The following ABCC8 variants were observed in gnomAD, a reference collection of about 807,000 sequenced individuals.
ABCC8 encodes ATP-binding cassette sub-family C member 8.
In ABCC8, 137 loss-of-function variants were observed where a neutral mutation model predicts 188.0. The ratio of observed to expected loss-of-function variants is 0.73; its 90% CI spans 0.63 to 0.84. The LOEUF (loss-of-function observed/expected upper bound fraction) is 0.84. Ranked by LOEUF, ABCC8 falls within the 40% of genes least tolerant of loss-of-function variation. The pLI is 0.00. For synonymous variants in ABCC8, 797 were observed against 846.5 expected, an observed-to-expected ratio of 0.94 and a Z score of 1.01; for missense variants, 1,750 against 2,072.7, an observed-to-expected ratio of 0.84 and a Z score of 3.02.
intron 7 of ABCC8, among the ~76,000 whole-genome samples, chr11:17,450,259 TC>T (rs923681350): frequency 1.0e-4 from 5 of 48,034 alleles, no homozygotes; most frequent in African/African-American, 2.3e-4. Flanking sequence ...TTTCTTTCTT[TC>T]TCTTTCTTTC....
intron 3 of ABCC8, among the ~76,000 whole-genome samples, chr11:17,467,672 T>G (rs1443912055): frequency 6.6e-6 from 1 of 152,212 alleles, no homozygotes. Context: ...ACAGGTCCCC[T>G]TTCTGTGGGA....
In ABCC8 at chr11:17,433,625, A is replaced by T. The variant is rs537986536; in HGVS notation, c.1631-1381T>A. Among the ~76,000 whole-genome samples the T allele has an allele frequency of 2.6e-5, 4 of 152,338 alleles. No individual in the cohort carries two copies. The East Asian group carries it at 7.7e-4, about 29-fold the overall frequency. On this transcript the variant is annotated intron_variant, in intron 10 of 38. Transcript: ENST00000389817. The stretch of plus-strand genomic sequence containing the variant: ...GAGCTATGCTCCCAGGAAGTTCCAG[A>T]TACAATGGGGAGACAGAGTACATGC...
At chr11:17,469,701 A>G (rs777018575) in intron 3 of ABCC8, among the ~76,000 whole-genome samples, 2 of 152,156 alleles carry the variant, frequency 1.3e-5, no homozygotes, top group Non-Finnish European at 2.9e-5. Context: ...CTTTGCCCAC[A>G]GTGACATCTT....
chr11:17,416,131 T>C (rs1955061583), intron 17 of ABCC8, among the ~76,000 whole-genome samples: 3 of 152,162 alleles, frequency 2.0e-5, no homozygotes, highest in Admixed American at 2.0e-4. Flanking sequence ...TATACCAAAG[T>C]GAAGCCTCTT....
At position 17,430,836 on chromosome 11, in the gene ABCC8, A is replaced by C. The variant is rs774879744; in HGVS notation, c.1795T>G (p.Ser599Ala). 6 of 1,614,208 alleles carry C rather than the reference A, an allele frequency of 3.7e-6. No individual in the cohort carries two copies. Among genetic ancestry groups the C allele is most frequent in the Non-Finnish European group, 4.2e-6 (5 of 1,180,032 alleles). ...PLFLLSSVVR[S>A]TVKALVSVQK... ...CACCTCACTAGAGCTTTGACGGTAG[A>C]TCGGACCACACTGGACAGCAGGAAC... The change falls in exon 12 of 39, where the codon TCT becomes GCT. Residue 599 changes from serine (S) to alanine (A), a missense_variant. Coordinates refer to ENST00000389817, the MANE Select transcript of ABCC8 (RefSeq NM_000352.6).
At chr11:17,449,137 A>G (rs1956658561) in intron 7 of ABCC8, among the ~76,000 whole-genome samples, 1 of 152,162 alleles carries the variant, frequency 6.6e-6, no homozygotes, top group African/African-American at 2.4e-5. Flanking sequence ...CATGTTGGCC[A>G]GGCTGGTCTC....
At chr11:17,442,152 G>C (rs558227556) in intron 10 of ABCC8, among the ~76,000 whole-genome samples, 64 of 152,312 alleles carry the variant, frequency 4.2e-4, no homozygotes, top group African/African-American at 1.5e-3. Flanking sequence ...ACTTTTACCA[G>C]TTTTGGTCTT....
intron 8 of ABCC8, among the ~76,000 whole-genome samples, chr11:17,443,876 C>A (rs1279239797): frequency 1.3e-5 from 2 of 152,164 alleles, no homozygotes; most frequent in African/African-American, 2.4e-5. Context: ...TAAATGACTG[C>A]CTACTTCTGA....
intron 2 of ABCC8, among the ~76,000 whole-genome samples, chr11:17,471,330 T>C (rs1469481105): frequency 6.6e-6 from 1 of 151,726 alleles, no homozygotes; most frequent in Non-Finnish European, 1.5e-5. Flanking sequence ...CCAGAGGAGG[T>C]GGCACCAGGC....
In ABCC8 at chr11:17,461,623, G is replaced by T; in HGVS notation, c.782C>A (p.Thr261Asn). The change falls in exon 5 of 39, where the codon ACC becomes AAC. Residue 261 changes from threonine to asparagine, a missense_variant. Physicochemically the swap from Thr to Asn is moderately conservative, Grantham distance 65 (BLOSUM62 0). Transcript: ENST00000389817. ...GGCCTCGCAGAGCCGTTGGTAGTTG[G>T]TGAGGGCCCTCATGGCGATGGGCAG... The part of the protein sequence containing the change: ...GKLPIAMRAL[T>N]NYQRLCEAFD... 1.2e-6 allele frequency: 2 copies of T among 1,614,236 alleles called. No individual in the cohort carries two copies. The highest frequency in any genetic ancestry group is 1.1e-5 in the South Asian group (1 of 91,088).
At chr11:17,423,993 G>T (rs1295991894) in intron 16 of ABCC8, among the ~76,000 whole-genome samples, 2 of 152,228 alleles carry the variant, frequency 1.3e-5, no homozygotes, top group Non-Finnish European at 2.9e-5. Context: ...ACTGCACAGA[G>T]TTCGGTGCAG....
intron 2 of ABCC8, 103 bp from the exon 3 acceptor site, chr11:17,470,325 C>A: frequency 6.3e-7 from 1 of 1,578,698 alleles, no homozygotes; most frequent in Admixed American, 1.8e-5. Context: ...ACCTTTATAG[C>A]ATCACTTTAT....
intron 7 of ABCC8, among the ~76,000 whole-genome samples, chr11:17,451,583 C>T (rs1956818294): frequency 6.6e-6 from 1 of 152,240 alleles, no homozygotes; most frequent in African/African-American, 2.4e-5. Flanking sequence ...CCCTTTTCTG[C>T]AGAGCTTCTT....
intron 3 of ABCC8, among the ~76,000 whole-genome samples, chr11:17,467,042 CCACACACACACACA>C (rs569546580): frequency 4.5e-5 from 6 of 132,312 alleles, no homozygotes; most frequent in Non-Finnish European, 9.5e-5. Context: ...ACATGTTAAA[CCACACACACACACA>C]CACACACACA....
chr11:17,442,820 C>T lies in ABCC8; in HGVS notation c.1530G>A (p.Lys510=), dbSNP rs762783893. The change falls in exon 10 of 39, where the codon AAG becomes AAA. Residue 510 remains lysine (K), a synonymous_variant. Coordinates refer to ENST00000389817, the MANE Select transcript of ABCC8 (RefSeq NM_000352.6). ...NEMLRGIKLL[K]LYAWENIFRT... ...GGAAGATGTTCTCCCAGGCGTACAG[C>T]TTCAGCAGCTTGATGCCGCGGAGCA... 1.9e-6 allele frequency: 3 copies of T among 1,614,144 alleles called. No homozygotes were observed. The highest frequency in any genetic ancestry group is 2.5e-6 in the Non-Finnish European group (3 of 1,180,040).
rs1954390310 is a variant in ABCC8 at position 17,404,214 on chromosome 11, T to C, written c.3557+298A>G. On this transcript the variant is annotated intron_variant, in intron 28 of 38. Coordinates refer to ENST00000389817, the MANE Select transcript of ABCC8 (RefSeq NM_000352.6). This position sits in a 1 kb window ranked among gnomAD's most constrained non-coding sequence, Gnocchi z 4.7. Reference sequence around the variant, plus strand: ...GATGCAACCCTCCTGGGAAGCATGTTGGCAAAATGAATGAAGGGCATAAAA... The same window carrying C: ...GATGCAACCCTCCTGGGAAGCATGTCGGCAAAATGAATGAAGGGCATAAAA... Among the ~76,000 whole-genome samples, 1 of 152,180 alleles carries C rather than the reference T, an allele frequency of 6.6e-6. No individual in the cohort carries two copies. The highest frequency in any genetic ancestry group is 2.4e-5 in the African/African-American group (1 of 41,446).
At chr11:17,408,816 C>G (rs921637723) in intron 22 of ABCC8, among the ~76,000 whole-genome samples, 1 of 152,196 alleles carries the variant, frequency 6.6e-6, no homozygotes, top group African/African-American at 2.4e-5. Context: ...CGGCAGCGGC[C>G]GTCATACACT....
In ABCC8 at chr11:17,396,901, G is replaced by A. The variant is rs58368439; in HGVS notation, c.4119+15C>T. The A allele has an allele frequency of 1.5e-4, 237 of 1,613,404 alleles. 4 individuals are homozygous for A. The highest frequency in any genetic ancestry group is 1.1e-3 in the East Asian group (50 of 44,878). On this transcript the variant is annotated intron_variant, in intron 33 of 38. Transcript: ENST00000389817. ...ACGCCTGTCCTGCAGCATTGGGTTG[G>A]GCCCGTGCTCTGACCTTCTGTCCAG...
At chr11:17,456,580 A>G (rs534679757) in intron 6 of ABCC8, among the ~76,000 whole-genome samples, 11 of 152,290 alleles carry the variant, frequency 7.2e-5, no homozygotes, top group African/African-American at 2.6e-4. Context: ...CCCTGGGTAA[A>G]GAATAAAATT....
Sources: allele counts gnomAD v4.1 joint callset (sites outside exome capture counted in the v4.1 genomes callset), GRCh38; gene constraint gnomAD v4.1.1; non-coding constraint Gnocchi (gnomAD v3.1); transcripts MANE v1.5; gene names NCBI Gene and HGNC (gene_info 2026-07-23, HGNC 2026-07-21).